Variants in LRP2 observed in about 807,000 individuals in gnomAD.
LRP2 encodes low-density lipoprotein receptor-related protein 2.
LRP2 carries 172 observed loss-of-function variants against 531.0 expected under a neutral mutation model. The observed-to-expected ratio is 0.32, with a 90% confidence interval of 0.29 to 0.37. LRP2 has a LOEUF of 0.37. LRP2 is among the 10% of genes least tolerant of loss of function. LRP2 has a pLI of 1.00. For missense variants in LRP2, 5,167 were observed against 5,868.3 expected, an observed-to-expected ratio of 0.88 and a Z score of 3.90; for synonymous variants, 1,992 against 2,027.6, an observed-to-expected ratio of 0.98 and a Z score of 0.47.
chr2:169,295,899 A>G (rs958785264), intron 4 of LRP2, among the ~76,000 whole-genome samples: 1 of 152,140 alleles, frequency 6.6e-6, no homozygotes, highest in African/African-American at 2.4e-5. Flanking sequence ...TGTAGTGATT[A>G]TCAGGTCATC....
chr2:169,228,097 C>A (rs192602186), intron 31 of LRP2, among the ~76,000 whole-genome samples: 2 of 152,230 alleles, frequency 1.3e-5, no homozygotes, highest in East Asian at 3.9e-4. Flanking sequence ...TAATTTATCT[C>A]CCTCAAGTTT....
intron 38 of LRP2, 116 bp from the exon 39 acceptor site, chr2:169,207,366 G>T (rs776453212): frequency 1.2e-5 from 9 of 752,862 alleles, no homozygotes; most frequent in Admixed American, 4.3e-5. Context: ...ACTATATGTT[G>T]TCTTTTCCAA....
chr2:169,229,166 C>T (rs756475955), intron 31 of LRP2, among the ~76,000 whole-genome samples: 3 of 152,132 alleles, frequency 2.0e-5, no homozygotes, highest in Non-Finnish European at 4.4e-5. Context: ...GGCACAGAAT[C>T]ATCTAGGGTT....
At position 169,275,097 on chromosome 2, in the gene LRP2, G is replaced by A; in HGVS notation, c.1914C>T (p.Tyr638=). Residue 638 remains tyrosine, a synonymous_variant, in exon 14 of 79, where the codon TAC becomes TAT. Transcript: ENST00000649046. ...CATAGGGCCTCAGGGAAGCCTGGTAGTACACTTGTGGGTTGGTCTCTGTGA... is the reference window on the plus strand; with the variant it reads ...CATAGGGCCTCAGGGAAGCCTGGTAATACACTTGTGGGTTGGTCTCTGTGA... ...NKFTETNPQV[Y]YQASLRPYGV... 2 of 1,613,768 alleles carry A rather than the reference G, an allele frequency of 1.2e-6. No homozygotes were observed. The highest frequency in any genetic ancestry group is 8.5e-7 in the Non-Finnish European group (1 of 1,179,864).
chr2:169,161,374 A>C (rs556000757), intron 63 of LRP2, among the ~76,000 whole-genome samples: 2 of 152,360 alleles, frequency 1.3e-5, no homozygotes, highest in African/African-American at 4.8e-5. Context: ...ATGTCATTTT[A>C]ACATTTCCAT....
At chr2:169,261,654 C>T (rs1221788280) in intron 16 of LRP2, among the ~76,000 whole-genome samples, 2 of 152,060 alleles carry the variant, frequency 1.3e-5, no homozygotes, top group Non-Finnish European at 2.9e-5. Flanking sequence ...CAGCCGAATT[C>T]TACCAGAGGT....
At chr2:169,321,300 T>A (rs1216348814) in intron 1 of LRP2, among the ~76,000 whole-genome samples, 1 of 152,192 alleles carries the variant, frequency 6.6e-6, no homozygotes, top group East Asian at 1.9e-4. Flanking sequence ...ACCTCCTAAA[T>A]GTCCAACAAT....
Position 169,202,918 on chromosome 2 carries a change from A to G in LRP2, c.8047T>C (p.Trp2683Arg). ...TGCTTCCTGTTGTTGGCCAAATACC[A>G]GTTGCCCTCATGTGGACACTGGCAC... ...AECQCPHEGN[W>R]YLANNRKHCI... The change falls in exon 43 of 79, where the codon TGG becomes CGG. Residue 2683 changes from tryptophan (W) to arginine (R), a missense_variant. Transcript: ENST00000649046. 1 of 1,614,200 alleles carries G rather than the reference A, an allele frequency of 6.2e-7. No homozygotes were observed. Among genetic ancestry groups the G allele is most frequent in the Non-Finnish European group, 8.5e-7 (1 of 1,180,026 alleles).
chr2:169,157,291 T>C lies in LRP2; in HGVS notation c.12019+80A>G, dbSNP rs1165031201. 3 of 1,392,200 alleles carry C rather than the reference T, an allele frequency of 2.2e-6. No individual in the cohort carries two copies. The African/African-American group carries it at 4.3e-5, about 20-fold the overall frequency. The allele number at this position is 1,392,200 out of a possible 1,614,324, so 86.2% of individuals were successfully genotyped here. A position where few individuals can be genotyped will look rare whatever the true frequency, so the allele number is the denominator to read the frequency against. ...TACCATTAAGGGAATTAAATAGTGATTTATTTAACAAAGGGGAGTGGGTGG... is the reference window on the plus strand; with the variant it reads ...TACCATTAAGGGAATTAAATAGTGACTTATTTAACAAAGGGGAGTGGGTGG... On this transcript the variant is annotated intron_variant, in intron 64 of 78. Coordinates refer to ENST00000649046, the MANE Select transcript of LRP2 (RefSeq NM_004525.3).
At chr2:169,141,824 T>C (rs529456598) in intron 71 of LRP2, among the ~76,000 whole-genome samples, 1 of 152,288 alleles carries the variant, frequency 6.6e-6, no homozygotes, top group South Asian at 2.1e-4. Context: ...AGCGTTGGGA[T>C]GAGTGCAAGA....
At chr2:169,260,592 G>T (rs1026159071) in intron 16 of LRP2, among the ~76,000 whole-genome samples, 8 of 152,032 alleles carry the variant, frequency 5.3e-5, no homozygotes, top group African/African-American at 1.9e-4. Context: ...GGCACTATGG[G>T]TCTGAACCTC....
intron 19 of LRP2, among the ~76,000 whole-genome samples, chr2:169,254,646 A>AAAAAAAAAT (rs1437822959): frequency 7.2e-6 from 1 of 139,172 alleles, no homozygotes; most frequent in African/African-American, 2.6e-5. Context: ...AGTATAATAA[A>AAAAAAAAAT]AAAAAAAAAA....
At chr2:169,221,693 TAC>T (rs369517316) in intron 33 of LRP2, among the ~76,000 whole-genome samples, 8 of 148,996 alleles carry the variant, frequency 5.4e-5, no homozygotes, top group South Asian at 2.2e-4. Context: ...CACGCACACA[TAC>T]ACACACACAC....
intron 9 of LRP2, among the ~76,000 whole-genome samples, chr2:169,284,538 A>G (rs1385467180): frequency 6.6e-6 from 1 of 152,012 alleles, no homozygotes; most frequent in Non-Finnish European, 1.5e-5. Flanking sequence ...AAGTGATGGG[A>G]CTGCAGGCGT....
chr2:169,174,035 C>T lies in LRP2; in HGVS notation c.10898G>A (p.Arg3633Lys). Reference sequence around the variant, plus strand: ...CCGAAACTGGCCCGGCCGGCAGGTCCTGCTGGCACAGTGGGAACTGTCTTC... The same window carrying T: ...CCGAAACTGGCCCGGCCGGCAGGTCTTGCTGGCACAGTGGGAACTGTCTTC... ...SDEDSSHCAS[R>K]TCRPGQFRCA... The change falls in exon 56 of 79, where the codon AGG (arginine) becomes AAG (lysine). Residue 3633 changes from arginine to lysine, a missense_variant. Physicochemically the swap from Arg to Lys is conservative, Grantham distance 26. This residue lies in a region of LRP2 where 311 missense variants were observed against 309.4 expected (regional missense o/e 1.01). Transcript: ENST00000649046. The T allele has an allele frequency of 6.2e-7, 1 of 1,614,252 alleles. No individual in the cohort carries two copies. The highest frequency in any genetic ancestry group is 1.1e-5 in the South Asian group (1 of 91,084).
chr2:169,259,446 T>G (rs1472618776), intron 16 of LRP2, among the ~76,000 whole-genome samples: 2 of 151,632 alleles, frequency 1.3e-5, no homozygotes, highest in African/African-American at 2.4e-5. Flanking sequence ...AAAGAGTAGA[T>G]ATGATACTGA....
chr2:169,254,645 A>AT lies in LRP2; in HGVS notation c.2770+1460_2770+1461insA, dbSNP rs988130038. Among the ~76,000 whole-genome samples, 32 of 133,296 alleles carry AT rather than the reference A, an allele frequency of 2.4e-4. 5 individuals carry two copies. Among genetic ancestry groups the AT allele is most frequent in the Admixed American group, 1.4e-3 (18 of 12,718 alleles). The allele number at this position is 133,296 out of a possible 152,430, so 87.4% of individuals were successfully genotyped here. A position where few individuals can be genotyped will look rare whatever the true frequency, so the allele number is the denominator to read the frequency against. The stretch of plus-strand genomic sequence containing the variant: ...GTACCCTAAAACTTAGAGTATAATA[A>AT]AAAAAAAAAAAAACAGCAATGTTGA... On this transcript the variant is annotated intron_variant, in intron 19 of 78. Transcript: ENST00000649046.
chr2:169,294,460 A>C (rs1684083689), intron 5 of LRP2, 140 bp downstream of exon 5: 2 of 768,924 alleles, frequency 2.6e-6, no homozygotes, highest in Non-Finnish European at 4.6e-6. Flanking sequence ...GTGTGTAAAT[A>C]CTCCTACCAA....
At chr2:169,166,162 A>T (rs1686775508) in intron 61 of LRP2, 108 bp from the exon 62 acceptor site, 1 of 1,102,996 alleles carries the variant, frequency 9.1e-7, no homozygotes, top group African/African-American at 1.5e-5. Flanking sequence ...TCATGCACTC[A>T]TTTACTCATT....
Sources: gnomAD v4.1 joint callset for allele counts (sites outside exome capture counted in the v4.1 genomes callset) on GRCh38, gnomAD v4.1.1 for gene constraint, gnomAD v4.1.1 regional missense constraint, MANE v1.5 for transcripts, NCBI Gene and HGNC (gene_info 2026-07-23, HGNC 2026-07-21) for gene names.